The following APOM variants were observed in gnomAD, a reference collection of about 807,000 sequenced individuals.
APOM encodes the protein NG20-like protein.
A neutral mutation model predicts 23.5 loss-of-function variants in APOM; 24 were observed. That is an observed-to-expected ratio of 1.02 (90% confidence interval 0.74 to 1.44). The LOEUF is 1.44. Among genes scored for constraint, APOM ranks in the 40% most tolerant of loss-of-function variants. The pLI is 0.00. For missense variants in APOM, 200 were observed against 233.2 expected (o/e 0.86, Z 0.93); for synonymous variants, 82 against 84.1 (o/e 0.97, Z 0.14).
Position 31,658,095 on chromosome 6 carries a change from A to T in APOM, c.*6A>T. On this transcript the variant is annotated 3_prime_UTR_variant, in exon 6 of 6. Coordinates refer to ENST00000375916, the MANE Select transcript of APOM (RefSeq NM_019101.3). ...GTGAGCTGTCCAATAACTGACCTGT[A>T]ACTTCATCTAAGTCCCCAGATGGGT... 4 of 1,614,050 alleles carry T rather than the reference A, an allele frequency of 2.5e-6. No individual in the cohort carries two copies. Among genetic ancestry groups the T allele is most frequent in the Non-Finnish European group, 3.4e-6 (4 of 1,179,964 alleles).
chr6:31,652,496 A>C (rs1431735888), upstream of APOM: 2 of 152,156 alleles, frequency 1.3e-5, no homozygotes, highest in Non-Finnish European at 2.9e-5. Flanking sequence ...GGCTCCCCCC[A>C]GGTCCCCAAG....
chr6:31,657,639 C>T lies in APOM; in HGVS notation c.457C>T (p.Pro153Ser), dbSNP rs368151021. 7 of 1,612,944 alleles carry T rather than the reference C, an allele frequency of 4.3e-6. No individual in the cohort carries two copies. Among genetic ancestry groups the T allele is most frequent in the Non-Finnish European group, 5.1e-6 (6 of 1,179,998 alleles). The change falls in exon 5 of 6, where the codon CCT becomes TCT. Residue 153 changes from proline to serine, a missense_variant. Coordinates refer to ENST00000375916, the MANE Select transcript of APOM (RefSeq NM_019101.3). ...RFLLYNRSPH[P>S]PEKCVEEFKS... ...TGCCCTTCCAGATCGCTCACCACAT[C>T]CTCCCGAAAAGTGTGTGGAGGAATT...
At chr6:31,657,988 C>A in intron 5 of APOM, 76 bp from the exon 6 acceptor site, 3 of 1,453,852 alleles carry the variant, frequency 2.1e-6, no homozygotes, top group Non-Finnish European at 2.9e-6. Context: ...ACGTTCTCCC[C>A]CACCCCATTA....
rs1396106443 is a variant in APOM, at chr6:31,656,026, C to T, written c.60C>T (p.Ile20=). The T allele has an allele frequency of 1.3e-6, 2 of 1,595,200 alleles. No individual in the cohort carries two copies. The highest frequency in any genetic ancestry group is 1.7e-6 in the Non-Finnish European group (2 of 1,170,660). The change falls in exon 1 of 6, where the codon ATC becomes ATT. Residue 20 remains isoleucine (I), a synonymous_variant. Coordinates refer to ENST00000375916, the MANE Select transcript of APOM (RefSeq NM_019101.3). ...LYFYGIILNS[I]YQCPEHSQLT... ...TCTATGGTATTATCCTTAACTCCAT[C>T]TACCAGTGCCCTGAGCACAGTCAAC...
intron 1 of APOM, 70 bp downstream of exon 1, chr6:31,656,150 C>T: frequency 8.1e-7 from 1 of 1,228,930 alleles, no homozygotes; most frequent in South Asian, 1.3e-5. Context: ...CCTAGGATGA[C>T]TGGAGACCAT....
chr6:31,657,763 C>G (rs767611448), intron 5 of APOM, 40 bp downstream of exon 5: 1 of 1,545,456 alleles, frequency 6.5e-7, no homozygotes, highest in Admixed American at 1.7e-5. Context: ...TTAGGACTCA[C>G]CAAGTCTTCT....
At position 31,657,442 on chromosome 6, in the gene APOM, G is replaced by T. The variant is rs772274791; in HGVS notation, c.406G>T (p.Glu136Ter). ...ATGCCCAGGTGGAATCATGCTGAATGAGACAGGCCAGGGTTACCAGCGCTT... is the reference window on the plus strand; with the variant it reads ...ATGCCCAGGTGGAATCATGCTGAATTAGACAGGCCAGGGTTACCAGCGCTT... ...SSCPGGIMLN[E>*]TGQGYQRFLL... The change falls in exon 4 of 6, where the codon GAG (glutamate) becomes TAG (stop). Residue 136 changes from glutamate (E) to a stop codon, truncating the protein, a stop_gained. Coordinates refer to ENST00000375916, the MANE Select transcript of APOM (RefSeq NM_019101.3). LOFTEE classifies it high-confidence loss of function. 13 of 1,612,954 alleles carry T rather than the reference G, an allele frequency of 8.1e-6. No homozygotes were observed. The South Asian group carries it at 1.4e-4, about 18-fold the overall frequency.
chr6:31,657,590 G>T (rs748495648), intron 4 of APOM, 35 bp from the exon 5 acceptor site: 1 of 1,602,556 alleles, frequency 6.2e-7, no homozygotes, highest in Admixed American at 1.7e-5. Flanking sequence ...GCTTCCAGGG[G>T]TTTTGACTGG....
At chr6:31,657,107 C>A (rs1373760145) in intron 2 of APOM, 118 bp from the exon 3 acceptor site, 2 of 955,686 alleles carry the variant, frequency 2.1e-6, no homozygotes, top group East Asian at 5.0e-5. Context: ...GATGGCGCCA[C>A]TGCACTCCAG....
intron 1 of APOM, 73 bp from the exon 2 acceptor site, chr6:31,656,399 T>G (rs1800061238): frequency 2.0e-6 from 3 of 1,507,962 alleles, no homozygotes; most frequent in Non-Finnish European, 1.8e-6. Context: ...TCTTGCTGTT[T>G]TGACTGATGA....
In APOM at chr6:31,656,133, T is replaced by C. The variant is rs536808624; in HGVS notation, c.114+53T>C. On this transcript the variant is annotated intron_variant, in intron 1 of 5. Transcript: ENST00000375916. Reference sequence around the variant, plus strand: ...TGGTGGAGGCTCTGAGGGACTTGGGTGGATGGCCTAGGATGACTGGAGACC... The same window carrying C: ...TGGTGGAGGCTCTGAGGGACTTGGGCGGATGGCCTAGGATGACTGGAGACC... The C allele has an allele frequency of 8.9e-5, 126 of 1,415,308 alleles. 1 individual carries two copies. In the South Asian group the frequency reaches 1.5e-3, roughly 16 times the overall value. 87.7% of individuals were successfully genotyped at this position (1,415,308 alleles called of 1,614,324 possible).
In APOM at chr6:31,658,138, G is replaced by A; in HGVS notation, c.*49G>A. 6.2e-7 allele frequency: 1 copy of A among 1,600,630 alleles called. No homozygotes were observed. Among genetic ancestry groups the A allele is most frequent in the Non-Finnish European group, 8.6e-7 (1 of 1,167,920 alleles). Reference sequence around the variant, plus strand: ...AGATGGGTACAATGGGAGCTGAGTTGTTGGAGGGAGAAGCTGGAGACTTCC... The same window carrying A: ...AGATGGGTACAATGGGAGCTGAGTTATTGGAGGGAGAAGCTGGAGACTTCC... On this transcript the variant is annotated 3_prime_UTR_variant, in exon 6 of 6. Coordinates refer to ENST00000375916, the MANE Select transcript of APOM (RefSeq NM_019101.3).
intron 2 of APOM, 143 bp downstream of exon 2, chr6:31,656,769 G>T: frequency 9.5e-7 from 1 of 1,055,384 alleles, no homozygotes. Context: ...ATTGCCCTCT[G>T]GAGAAAGATG....
At position 31,656,464 on chromosome 6, in the gene APOM, C is replaced by G; in HGVS notation, c.115-8C>G. The stretch of plus-strand genomic sequence containing the variant: ...CACCCTCTTTTGCTCCCTTCATTGT[C>G]TCTCCAGTTCCCAGAGGTCCACTTG... On this transcript the variant is annotated splice_polypyrimidine_tract_variant and splice_region_variant and intron_variant, in intron 1 of 5. Transcript: ENST00000375916. 1 of 1,613,152 alleles carries G rather than the reference C, an allele frequency of 6.2e-7. No individual in the cohort carries two copies. The highest frequency in any genetic ancestry group is 1.7e-5 in the Admixed American group (1 of 59,918).
At chr6:31,653,141 G>A (rs1356246335), upstream of APOM, among the ~76,000 whole-genome samples, 1 of 152,154 alleles carries the variant, frequency 6.6e-6, no homozygotes, top group Admixed American at 6.5e-5. Flanking sequence ...GACATGACAC[G>A]TTTTAGGAAA....
At chr6:31,656,320 A>T in intron 1 of APOM, 152 bp from the exon 2 acceptor site, 1 of 917,220 alleles carries the variant, frequency 1.1e-6, no homozygotes, top group South Asian at 1.7e-5. Flanking sequence ...AAAGTCATTT[A>T]ATGACTCTTT....
At chr6:31,656,843 G>A (rs1362774848) in intron 2 of APOM, among the ~76,000 whole-genome samples, 1 of 152,188 alleles carries the variant, frequency 6.6e-6, no homozygotes, top group Non-Finnish European at 1.5e-5. Flanking sequence ...CAAATACAAT[G>A]GAGTAAATAG....
chr6:31,656,466 C>G lies in APOM; in HGVS notation c.115-6C>G, dbSNP rs1800072922. ...CCCTCTTTTGCTCCCTTCATTGTCT[C>G]TCCAGTTCCCAGAGGTCCACTTGGG... On this transcript the variant is annotated splice_polypyrimidine_tract_variant and splice_region_variant and intron_variant, in intron 1 of 5. Transcript: ENST00000375916. 1 of 1,613,442 alleles carries G rather than the reference C, an allele frequency of 6.2e-7. No homozygotes were observed. Among genetic ancestry groups the G allele is most frequent in the Admixed American group, 1.7e-5 (1 of 59,950 alleles).
chr6:31,657,963 A>G, intron 5 of APOM, 101 bp from the exon 6 acceptor site: 1 of 1,258,468 alleles, frequency 7.9e-7, no homozygotes, highest in South Asian at 1.2e-5. Context: ...CCTTTGACAC[A>G]GGGAATGAAA....
Sources: gnomAD v4.1 joint callset for allele counts (sites outside exome capture counted in the v4.1 genomes callset) on GRCh38, gnomAD v4.1.1 for gene constraint, MANE v1.5 for transcripts, NCBI Gene and HGNC (gene_info 2026-07-23, HGNC 2026-07-21) for gene names.